NRXN1: variants seen among roughly 807,000 people sequenced by gnomAD.
NRXN1 encodes the protein neurexin 1.
A neutral mutation model predicts 150.9 loss-of-function variants in NRXN1; 39 were observed. The ratio of observed to expected loss-of-function variants is 0.26; its 90% CI spans 0.20 to 0.34. The LOEUF (loss-of-function observed/expected upper bound fraction) is 0.34. Among genes scored for constraint, NRXN1 ranks in the 10% least tolerant of loss-of-function variants. The probability of loss-of-function intolerance (pLI) is 1.00; values close to 1 mark genes in which losing one functional copy is unlikely to be tolerated. For missense variants in NRXN1, 1,815 were observed against 1,949.9 expected (o/e 0.93, Z 1.30); for synonymous variants, 924 against 757.0 (o/e 1.22, Z -3.62).
chr2:50,981,217 G>A (rs1197613613), intron 2 of NRXN1, among the ~76,000 whole-genome samples: 2 of 151,884 alleles, frequency 1.3e-5, no homozygotes, highest in Non-Finnish European at 2.9e-5. Context: ...AGCACTTAGG[G>A]AGGCTGAGGT....
At chr2:50,097,028 T>C (rs1183092080) in intron 18 of NRXN1, among the ~76,000 whole-genome samples, 2 of 152,198 alleles carry the variant, frequency 1.3e-5, no homozygotes, top group Non-Finnish European at 2.9e-5. Context: ...AGAATACACG[T>C]AAGTAAAGAT....
At chr2:50,053,612 C>A in intron 20 of NRXN1, 22 bp from the exon 21 acceptor site, 1 of 1,611,520 alleles carries the variant, frequency 6.2e-7, no homozygotes, top group Non-Finnish European at 8.5e-7. Context: ...ATATTACATA[C>A]ATGCAAAAAT....
At chr2:50,734,270 A>G (rs984115899) in intron 5 of NRXN1, among the ~76,000 whole-genome samples, 1 of 152,146 alleles carries the variant, frequency 6.6e-6, no homozygotes, top group Non-Finnish European at 1.5e-5. Context: ...CAAATTTCTT[A>G]GTTCAGAGGA....
chr2:50,836,882 G>A (rs1228643692), intron 5 of NRXN1, among the ~76,000 whole-genome samples: 2 of 146,624 alleles, frequency 1.4e-5, no homozygotes, highest in African/African-American at 5.0e-5. Flanking sequence ...GACTGTGGCA[G>A]CATCAATAGA....
intron 5 of NRXN1, among the ~76,000 whole-genome samples, chr2:50,674,707 G>A (rs1249512325): frequency 6.6e-6 from 1 of 152,064 alleles, no homozygotes; most frequent in East Asian, 1.9e-4. Flanking sequence ...GGTAAAAGTT[G>A]AAAATGACTC....
chr2:50,234,994 T>C (rs534583088), intron 18 of NRXN1, among the ~76,000 whole-genome samples: 1 of 152,172 alleles, frequency 6.6e-6, no homozygotes, highest in East Asian at 1.9e-4. Context: ...TAAAACTCTT[T>C]GACCATAAAA....
At chr2:50,123,424 G>C (rs542471537) in intron 18 of NRXN1, among the ~76,000 whole-genome samples, 7 of 152,272 alleles carry the variant, frequency 4.6e-5, no homozygotes, top group South Asian at 2.1e-4. Flanking sequence ...GGAGCAAATG[G>C]GTCATGTGGT....
intron 17 of NRXN1, among the ~76,000 whole-genome samples, chr2:50,351,747 T>C (rs1005756258): frequency 6.6e-6 from 1 of 152,174 alleles, no homozygotes; most frequent in African/African-American, 2.4e-5. Context: ...GTAGGTACTA[T>C]TGTTGATCCC....
At chr2:50,355,238 A>C (rs1465304471) in intron 17 of NRXN1, among the ~76,000 whole-genome samples, 2 of 147,520 alleles carry the variant, frequency 1.4e-5, no homozygotes, top group Non-Finnish European at 3.0e-5. Flanking sequence ...TTCAGGATAT[A>C]TAAATTATAT....
rs1332643062 is a variant in NRXN1 at position 50,098,330 on chromosome 2, CAA to C, written c.3547-6838_3547-6837del. On this transcript the variant is annotated intron_variant, in intron 18 of 22. Coordinates refer to ENST00000401669, the MANE Select transcript of NRXN1 (RefSeq NM_001330078.2). Reference sequence around the variant, plus strand: ...TCGTGCATGCAAATACTCATACCCACAAAAGAGTTGAGGGAGTGGTGGGGAAA... The same window carrying C: ...TCGTGCATGCAAATACTCATACCCACAAGAGTTGAGGGAGTGGTGGGGAAA... Among the ~76,000 whole-genome samples, 4 of 152,212 alleles carry C rather than the reference CAA, an allele frequency of 2.6e-5. No individual in the cohort carries two copies. The East Asian group carries it at 7.7e-4, about 29-fold the overall frequency.
intron 17 of NRXN1, among the ~76,000 whole-genome samples, chr2:50,328,698 T>C (rs1302139973): frequency 1.3e-5 from 2 of 152,204 alleles, no homozygotes; most frequent in East Asian, 3.9e-4. Flanking sequence ...ATCGTGTCAC[T>C]GAACTCCAGC....
At chr2:50,518,584 T>A (rs921228026) in intron 12 of NRXN1, among the ~76,000 whole-genome samples, 1 of 151,954 alleles carries the variant, frequency 6.6e-6, no homozygotes, top group Non-Finnish European at 1.5e-5. Context: ...TCCTGAGCAT[T>A]TGGATATTTA....
At chr2:50,582,478 CAAAAAA>C (rs56941425) in intron 8 of NRXN1, among the ~76,000 whole-genome samples, 6 of 44,222 alleles carry the variant, frequency 1.4e-4, no homozygotes, top group African/African-American at 5.6e-4. Context: ...GACTCGTCTC[CAAAAAA>C]AAAAAAAAAA....
At chr2:50,407,350 C>T (rs777144616) in intron 17 of NRXN1, among the ~76,000 whole-genome samples, 2 of 152,114 alleles carry the variant, frequency 1.3e-5, no homozygotes, top group Non-Finnish European at 2.9e-5. Context: ...TGAATAACAG[C>T]TTCCCATAGG....
intron 13 of NRXN1, among the ~76,000 whole-genome samples, chr2:50,505,171 G>A (rs1228077919): frequency 6.6e-6 from 1 of 151,952 alleles, no homozygotes; most frequent in Admixed American, 6.6e-5. Context: ...ACACTTACTA[G>A]ATATTGACAA....
Position 50,346,213 on chromosome 2 carries a change from G to C in NRXN1, c.3365-109243C>G, listed in dbSNP as rs922659569. ...TGGGCGCACTTTGGAGGAATGTGCG[G>C]GCTGGAATCTCTCCCTCCCCGCCCC... On this transcript the variant is annotated intron_variant, in intron 17 of 22. Transcript: ENST00000401669. The surrounding 1 kb of genome is among the most constrained non-coding windows in gnomAD (Gnocchi z 5.0). 2.0e-5 allele frequency among the ~76,000 whole-genome samples: 3 copies of C among 152,184 alleles called. No homozygotes were observed. The highest frequency in any genetic ancestry group is 4.4e-5 in the Non-Finnish European group (3 of 68,028).
intron 21 of NRXN1, among the ~76,000 whole-genome samples, chr2:49,981,968 G>A (rs994682379): frequency 6.6e-6 from 1 of 152,084 alleles, no homozygotes; most frequent in Non-Finnish European, 1.5e-5. Context: ...TTCCAGGGAT[G>A]AGAGTGAAAA....
chr2:50,380,884 A>C (rs2080908793), intron 17 of NRXN1, among the ~76,000 whole-genome samples: 2 of 152,132 alleles, frequency 1.3e-5, no homozygotes. Flanking sequence ...TTGTAAGCCT[A>C]ATAAGCATAA....
chr2:50,158,118 C>T (rs73932959), intron 18 of NRXN1, among the ~76,000 whole-genome samples: 3,443 of 135,294 alleles, frequency 0.025, 141 homozygotes, highest in African/African-American at 0.09. Flanking sequence ...TAGGGGGAGT[C>T]AAATTAGAGG....
Sources: allele counts gnomAD v4.1 joint callset (sites outside exome capture counted in the v4.1 genomes callset), GRCh38; gene constraint gnomAD v4.1.1; non-coding constraint Gnocchi (gnomAD v3.1); transcripts MANE v1.5; gene names NCBI Gene and HGNC (gene_info 2026-07-23, HGNC 2026-07-21).